The following WDR59 variants were observed in gnomAD, a reference collection of about 807,000 sequenced individuals.
The protein encoded by WDR59 is GATOR2 complex protein WDR59.
In WDR59, 100 loss-of-function variants were observed where a neutral mutation model predicts 131.2. The ratio of observed to expected loss-of-function variants is 0.76; its 90% CI spans 0.65 to 0.90. The LOEUF is 0.90. Ranked by LOEUF, WDR59 falls within the 40% of genes least tolerant of loss-of-function variation. WDR59 has a pLI of 0.00. For synonymous variants in WDR59, 601 were observed against 466.2 expected, an observed-to-expected ratio of 1.29 and a Z score of -3.72; for missense variants, 1,203 against 1,262.2, an observed-to-expected ratio of 0.95 and a Z score of 0.71.
At chr16:74,888,358 G>C in intron 21 of WDR59, 39 bp from the exon 22 acceptor site, 1 of 1,588,818 alleles carries the variant, frequency 6.3e-7, no homozygotes, top group Non-Finnish European at 8.6e-7. Flanking sequence ...AAGTCAGGAG[G>C]AGGGATTGAG....
chr16:74,879,746 T>C (rs1489520760), intron 25 of WDR59, among the ~76,000 whole-genome samples: 1 of 152,162 alleles, frequency 6.6e-6, no homozygotes, highest in Non-Finnish European at 1.5e-5. Context: ...GATTATAAGA[T>C]ATCAAATCAC....
chr16:74,924,057 A>G, intron 8 of WDR59, 54 bp from the exon 9 acceptor site: 1 of 1,554,634 alleles, frequency 6.4e-7, no homozygotes, highest in East Asian at 2.3e-5. Context: ...AAAAAATTCT[A>G]CTGAAATAAG....
intron 25 of WDR59, among the ~76,000 whole-genome samples, chr16:74,882,525 T>C (rs1964536337): frequency 6.6e-6 from 1 of 152,086 alleles, no homozygotes; most frequent in Non-Finnish European, 1.5e-5. Flanking sequence ...TTGAGGCCAG[T>C]AGTTCGAGAC....
intron 2 of WDR59, among the ~76,000 whole-genome samples, chr16:74,958,091 G>C (rs945752564): frequency 6.6e-6 from 1 of 152,156 alleles, no homozygotes; most frequent in Non-Finnish European, 1.5e-5. Flanking sequence ...GTATCAATAG[G>C]GGGCTGCAGA....
At chr16:74,977,187 G>A (rs939272038) in intron 1 of WDR59, among the ~76,000 whole-genome samples, 2 of 151,726 alleles carry the variant, frequency 1.3e-5, no homozygotes, top group Non-Finnish European at 2.9e-5. Context: ...AGTGCACCAT[G>A]ATCGTGACTG....
At chr16:74,969,180 A>AT (rs1324545875) in intron 1 of WDR59, among the ~76,000 whole-genome samples, 5 of 152,224 alleles carry the variant, frequency 3.3e-5, no homozygotes, top group African/African-American at 1.2e-4. Flanking sequence ...CCTGCTGGGG[A>AT]TTAAAGACAG....
chr16:74,906,823 G>C (rs1965842797), intron 17 of WDR59, among the ~76,000 whole-genome samples: 1 of 152,166 alleles, frequency 6.6e-6, no homozygotes, highest in Non-Finnish European at 1.5e-5. Context: ...AGAGAGTGGT[G>C]TCCTCTGGGT....
chr16:74,915,757 G>A, intron 13 of WDR59, 113 bp downstream of exon 13: 4 of 1,492,148 alleles, frequency 2.7e-6, no homozygotes, highest in Non-Finnish European at 3.7e-6. Flanking sequence ...CAAGCAGAGA[G>A]AGTTCTGTTA....
chr16:74,959,314 A>G (rs2033454291), intron 2 of WDR59: 13 of 273,956 alleles, frequency 4.7e-5, no homozygotes, highest in South Asian at 3.9e-4. Flanking sequence ...GCAGACAATG[A>G]CATTTGGACA....
At chr16:74,901,115 A>C (rs1341419901) in intron 18 of WDR59, among the ~76,000 whole-genome samples, 1 of 151,892 alleles carries the variant, frequency 6.6e-6, no homozygotes, top group Non-Finnish European at 1.5e-5. Context: ...AAAAACAAAA[A>C]AACTCTATAC....
chr16:74,887,249 T>C (rs1964812649), intron 23 of WDR59, among the ~76,000 whole-genome samples: 1 of 152,204 alleles, frequency 6.6e-6, no homozygotes. Context: ...AAACCTTTTT[T>C]TTTTTAAATC....
chr16:74,909,181 G>T (rs1251854838), intron 16 of WDR59, among the ~76,000 whole-genome samples: 1 of 152,076 alleles, frequency 6.6e-6, no homozygotes. Context: ...GATGTATGTG[G>T]ACTGGGCAGA....
intron 25 of WDR59, among the ~76,000 whole-genome samples, chr16:74,879,110 T>C (rs1217499011): frequency 2.0e-5 from 3 of 152,178 alleles, no homozygotes; most frequent in African/African-American, 4.8e-5. Context: ...CCCAGCACTT[T>C]GTGAGGCCGA....
chr16:74,956,148 G>A (rs1179500192), intron 3 of WDR59, among the ~76,000 whole-genome samples: 1 of 152,108 alleles, frequency 6.6e-6, no homozygotes, highest in Non-Finnish European at 1.5e-5. Flanking sequence ...GTCTTTCAAA[G>A]TCATCTGCCA....
intron 7 of WDR59, 27 bp downstream of exon 7, chr16:74,942,711 A>G (rs1052139450): frequency 6.2e-7 from 1 of 1,611,744 alleles, no homozygotes; most frequent in Non-Finnish European, 8.5e-7. Context: ...TCAAAGACCA[A>G]TAAGGGCGAA....
chr16:74,912,161 A>G (rs760903347), intron 14 of WDR59, 37 bp downstream of exon 14: 18 of 1,613,784 alleles, frequency 1.1e-5, no homozygotes, highest in Non-Finnish European at 1.5e-5. Context: ...ACAATGATGC[A>G]GAACAGCAAG....
chr16:74,957,314 C>A (rs1191861779), intron 2 of WDR59, among the ~76,000 whole-genome samples: 1 of 152,030 alleles, frequency 6.6e-6, no homozygotes, highest in Non-Finnish European at 1.5e-5. Context: ...CTGCTGACCT[C>A]GGGTGATCCA....
intron 2 of WDR59, among the ~76,000 whole-genome samples, chr16:74,956,829 C>G (rs745990960): frequency 6.6e-6 from 1 of 152,156 alleles, no homozygotes; most frequent in Non-Finnish European, 1.5e-5. Context: ...AGTCCCACCT[C>G]CAGAGATGGC....
chr16:74,909,519 C>T lies in WDR59; in HGVS notation c.1624G>A (p.Ala542Thr). ...ANIPFPRTSG[A>T]RFCGAGYLVY... is the part of the protein sequence containing the mutation. ...GACCCACCTGCTCCGCAGAACCTGG[C>T]CCCAGAAGTCCTAGGAAAGGGAATG... The change falls in exon 16 of 26, where the codon GCC (alanine) becomes ACC (threonine). Residue 542 changes from alanine (A) to threonine (T), a missense_variant. Transcript: ENST00000262144. The T allele has an allele frequency of 6.3e-7, 1 of 1,587,314 alleles. No homozygotes were observed. The highest frequency in any genetic ancestry group is 1.2e-5 in the South Asian group (1 of 86,552).
Sources: allele counts gnomAD v4.1 joint callset (sites outside exome capture counted in the v4.1 genomes callset), GRCh38; gene constraint gnomAD v4.1.1; transcripts MANE v1.5; gene names NCBI Gene and HGNC (gene_info 2026-07-23, HGNC 2026-07-21).